The following TTC24 variants were observed in gnomAD, a reference collection of about 807,000 sequenced individuals.
The protein encoded by TTC24 is tetratricopeptide repeat domain 24.
A neutral mutation model predicts 63.3 loss-of-function variants in TTC24; 54 were observed. The observed-to-expected ratio is 0.85, with a 90% CI of 0.69 to 1.07. The LOEUF (loss-of-function observed/expected upper bound fraction) is 1.07, where lower values mean the gene tolerates loss of function less well. TTC24 is among the 50% of genes least tolerant of loss of function. The pLI is 0.00. For synonymous variants in TTC24, 276 were observed against 304.3 expected, an observed-to-expected ratio of 0.91 and a Z score of 0.97; for missense variants, 680 against 730.5, an observed-to-expected ratio of 0.93 and a Z score of 0.80.
In TTC24 at chr1:156,583,697, C is replaced by A; in HGVS notation, c.1153-100C>A. Reference sequence around the variant, plus strand: ...GGGTAGAAGAGAGGGGAAACAAAGCCCCCCTCCCCCCTCCCTTTCCTGTTT... The same window carrying A: ...GGGTAGAAGAGAGGGGAAACAAAGCACCCCTCCCCCCTCCCTTTCCTGTTT... On this transcript the variant is annotated intron_variant, in intron 5 of 10. Transcript: ENST00000368236. The surrounding 1 kb of genome is among the most constrained non-coding windows in gnomAD (Gnocchi z 4.0). The A allele has an allele frequency of 2.0e-6, 2 of 986,588 alleles. No homozygotes were observed. Among genetic ancestry groups the A allele is most frequent in the South Asian group, 1.5e-5 (1 of 66,104 alleles). The allele number at this position is 986,588 out of a possible 1,614,324, so 61.1% of individuals were successfully genotyped here. A position where few individuals can be genotyped will look rare whatever the true frequency, so the allele number is the denominator to read the frequency against.
chr1:156,583,758 A>G lies in TTC24; in HGVS notation c.1153-39A>G. 2 of 1,482,582 alleles carry G rather than the reference A, an allele frequency of 1.3e-6. No homozygotes were observed. Among genetic ancestry groups the G allele is most frequent in the Admixed American group, 4.0e-5 (2 of 49,756 alleles). 91.8% of individuals were successfully genotyped at this position (1,482,582 alleles called of 1,614,324 possible). A position where few individuals can be genotyped will look rare whatever the true frequency, so the allele number is the denominator to read the frequency against. On this transcript the variant is annotated intron_variant, in intron 5 of 10. Coordinates refer to ENST00000368236, the MANE Select transcript of TTC24 (RefSeq NM_001105669.4). This position sits in a 1 kb window ranked among gnomAD's most constrained non-coding sequence, Gnocchi z 4.0. ...CAACCCCCAGAGGACCATAAGGTCC[A>G]GGCATTCCCCATTACCCTATTATCC... is the stretch of plus-strand genomic sequence containing the variant.
At chr1:156,582,143 T>C in intron 2 of TTC24, 73 bp downstream of exon 2, 1 of 1,464,272 alleles carries the variant, frequency 6.8e-7, no homozygotes. Flanking sequence ...AGGGCTGGGT[T>C]TGGGGAACCC....
chr1:156,581,254 C>CTGA (rs973425472), intron 1 of TTC24, 107 bp from the exon 2 acceptor site: 27 of 766,170 alleles, frequency 3.5e-5, no homozygotes, highest in African/African-American at 7.1e-5. Flanking sequence ...CCTTGAAACC[C>CTGA]TGAGGGTCAT....
In TTC24 at chr1:156,581,951, C is replaced by A. The variant is rs1235465274; in HGVS notation, c.587C>A (p.Ala196Glu). 3.3e-6 allele frequency: 5 copies of A among 1,537,146 alleles called. No individual in the cohort carries two copies. Among genetic ancestry groups the A allele is most frequent in the Non-Finnish European group, 4.4e-6 (5 of 1,142,240 alleles). The change falls in exon 2 of 11, where the codon GCA (alanine) becomes GAA (glutamate). Residue 196 changes from alanine to glutamate, a missense_variant. Transcript: ENST00000368236. ...QERQLRAAAL[A>E]LGAAAGCMLK... ...AGACAGCTGCGGGCCGCAGCCCTGG[C>A]ACTGGGGGCTGCGGCAGGATGTATG...
At chr1:156,581,216 G>T (rs1676980742) in intron 1 of TTC24, 145 bp from the exon 2 acceptor site, 1 of 578,068 alleles carries the variant, frequency 1.7e-6, no homozygotes, top group Non-Finnish European at 3.0e-6. Flanking sequence ...TGGGACAGAA[G>T]AAACAAAGTG....
intron 3 of TTC24, among the ~76,000 whole-genome samples, 177 bp from the exon 4 acceptor site, chr1:156,582,865 G>A (rs537384636): frequency 4.6e-5 from 7 of 152,362 alleles, no homozygotes; most frequent in African/African-American, 1.4e-4. Context: ...ACTCACACCA[G>A]AACTCAGGAT....
In TTC24 at chr1:156,586,002, G is replaced by C. The variant is rs758597738; in HGVS notation, c.1624G>C (p.Glu542Gln). Residue 542 changes from glutamate (E) to glutamine (Q), a missense_variant, in exon 10 of 11, where the codon GAG becomes CAG. Coordinates refer to ENST00000368236, the MANE Select transcript of TTC24 (RefSeq NM_001105669.4). ...TGTAGGTCCAGGCCCTCCCAGAGCG[G>C]AGTACCCTAGCATCTTGGTACCCAA... ...PFVGPGPPRA[E>Q]YPSILVPNGP... 15 of 1,588,138 alleles carry C rather than the reference G, an allele frequency of 9.4e-6. No individual in the cohort carries two copies. Among genetic ancestry groups the C allele is most frequent in the Non-Finnish European group, 1.3e-5 (15 of 1,166,844 alleles).
At chr1:156,584,032 C>A in intron 6 of TTC24, 137 bp downstream of exon 6, 3 of 707,310 alleles carry the variant, frequency 4.2e-6, no homozygotes, top group South Asian at 1.7e-5. Flanking sequence ...CTTGAGCCTG[C>A]GCATGAGATA....
chr1:156,583,866 C>A lies in TTC24; in HGVS notation c.1222C>A (p.Gln408Lys). 6.3e-7 allele frequency: 1 copy of A among 1,584,004 alleles called. No homozygotes were observed. Among genetic ancestry groups the A allele is most frequent in the East Asian group, 2.3e-5 (1 of 43,376 alleles). The change falls in exon 6 of 11, where the codon CAG becomes AAG. Residue 408 changes from glutamine to lysine, a missense_variant. Coordinates refer to ENST00000368236, the MANE Select transcript of TTC24 (RefSeq NM_001105669.4). This position sits in a 1 kb window ranked among gnomAD's most constrained non-coding sequence, Gnocchi z 4.0. Reference protein sequence around the residue: ...LADTVRTRLAQVGLVQTHTLT... With the variant: ...LADTVRTRLAKVGLVQTHTLT... The stretch of plus-strand genomic sequence containing the variant: ...AGACACCGTGAGGACGCGCTTGGCC[C>A]AGGTGGGGCTGGTCCAGACTCACAC...
Sources: allele counts gnomAD v4.1 joint callset (sites outside exome capture counted in the v4.1 genomes callset), GRCh38; gene constraint gnomAD v4.1.1; non-coding constraint Gnocchi (gnomAD v3.1); transcripts MANE v1.5; gene names NCBI Gene and HGNC (gene_info 2026-07-23, HGNC 2026-07-21).